Variants in MYO18B observed in about 807,000 individuals in gnomAD.
The protein encoded by MYO18B is unconventional myosin-XVIIIb.
MYO18B carries 204 observed loss-of-function variants against 273.0 expected under a neutral mutation model. That is an observed-to-expected ratio of 0.75 (90% CI 0.67 to 0.84). The LOEUF is 0.84. MYO18B is among the 40% of genes least tolerant of loss of function. The probability of loss-of-function intolerance (pLI) is 0.00; values close to 1 mark genes in which losing one functional copy is unlikely to be tolerated. For missense variants in MYO18B, 3,212 were observed against 3,287.6 expected (o/e 0.98, Z 0.56); for synonymous variants, 1,330 against 1,305.7 (o/e 1.02, Z -0.40).
intron 1 of MYO18B, among the ~76,000 whole-genome samples, chr22:25,746,099 A>C (rs766591925): frequency 6.6e-6 from 1 of 152,220 alleles, no homozygotes. Context: ...ACATCCGTTG[A>C]GATAATAAAT....
Position 25,826,510 on chromosome 22 carries a change from CT to C in MYO18B, c.2786+15del. On this transcript the variant is annotated intron_variant, in intron 14 of 43. Transcript: ENST00000335473. ...CTCACTCATCAACAGGTAACGGGGC[CT>C]TTTCCTAGGCACACAGTTGGCCTCT... The C allele has an allele frequency of 1.2e-6, 2 of 1,609,612 alleles. No homozygotes were observed.
At chr22:25,841,190 C>T (rs903089961) in intron 17 of MYO18B, among the ~76,000 whole-genome samples, 1 of 152,160 alleles carries the variant, frequency 6.6e-6, no homozygotes, top group Non-Finnish European at 1.5e-5. Flanking sequence ...CATCAACCTC[C>T]GAGTGTGACC....
chr22:25,913,292 G>A (rs185527763), intron 33 of MYO18B, among the ~76,000 whole-genome samples: 1 of 152,336 alleles, frequency 6.6e-6, no homozygotes, highest in East Asian at 1.9e-4. Context: ...TCCAGGCATC[G>A]GGTGCTAAAT....
At chr22:26,043,910 G>A in the MYO18B span, among the ~76,000 whole-genome samples, 3 of 152,226 alleles carry the variant, frequency 2.0e-5, no homozygotes, top group African/African-American at 4.8e-5. Flanking sequence ...ACATGCACAC[G>A]CCACTGCACC....
At chr22:25,993,757 A>G (rs1453171452) in intron 40 of MYO18B, among the ~76,000 whole-genome samples, 1 of 152,194 alleles carries the variant, frequency 6.6e-6, no homozygotes, top group Non-Finnish European at 1.5e-5. Flanking sequence ...GGAAGCAGAG[A>G]GGGTTACAAA....
intron 34 of MYO18B, among the ~76,000 whole-genome samples, chr22:25,938,573 G>T (rs2092607564): frequency 6.6e-6 from 1 of 152,212 alleles, no homozygotes; most frequent in South Asian, 2.1e-4. Flanking sequence ...TTGCAGGGCT[G>T]TTGTGGGCTA....
intron 33 of MYO18B, among the ~76,000 whole-genome samples, chr22:25,913,822 T>C (rs2092208201): frequency 6.6e-6 from 1 of 152,256 alleles, no homozygotes; most frequent in African/African-American, 2.4e-5. Flanking sequence ...TTTCACTTTG[T>C]TTATAATGTC....
intron 41 of MYO18B, 106 bp from the exon 42 acceptor site, chr22:26,004,612 G>A (rs1752799759): frequency 2.3e-6 from 3 of 1,322,118 alleles, no homozygotes; most frequent in Non-Finnish European, 3.1e-6. Flanking sequence ...GGTTATGCAG[G>A]TATATCACTT....
intron 21 of MYO18B, among the ~76,000 whole-genome samples, chr22:25,864,229 T>C (rs2090823311): frequency 6.6e-6 from 1 of 152,218 alleles, no homozygotes; most frequent in Non-Finnish European, 1.5e-5. Context: ...AAACTCTCAC[T>C]GTTTCTACCT....
At chr22:25,911,183 T>C in intron 33 of MYO18B, 133 bp downstream of exon 33, 1 of 699,374 alleles carries the variant, frequency 1.4e-6, no homozygotes, top group Non-Finnish European at 2.4e-6. Flanking sequence ...TCACTGGCTC[T>C]TCAAAGGAGA....
At chr22:26,035,787 G>A (rs6004903), downstream of MYO18B, among the ~76,000 whole-genome samples, 1,465 of 152,342 alleles carry the variant, frequency 9.6e-3, 25 homozygotes, top group African/African-American at 0.033. Context: ...AACAGGAGCA[G>A]CAAGAAAGAG....
intron 1 of MYO18B, among the ~76,000 whole-genome samples, chr22:25,753,553 G>A (rs908396396): frequency 6.6e-6 from 1 of 152,176 alleles, no homozygotes; most frequent in Admixed American, 6.5e-5. Context: ...GGGTGGTTGT[G>A]TTTTCGCTCT....
At chr22:25,895,068 G>A in intron 27 of MYO18B, 88 bp from the exon 28 acceptor site, 1 of 1,473,728 alleles carries the variant, frequency 6.8e-7, no homozygotes, top group Non-Finnish European at 9.2e-7. Context: ...TGCATGCCAA[G>A]AGCCAAGAAA....
chr22:25,780,275 C>T (rs1346415646), intron 9 of MYO18B, 77 bp downstream of exon 9: 12 of 1,477,982 alleles, frequency 8.1e-6, no homozygotes, highest in East Asian at 2.4e-5. Context: ...GCAGAGCCCA[C>T]GCCTCCAGCT....
At chr22:26,015,609 A>G (rs1935259392) in intron 42 of MYO18B, among the ~76,000 whole-genome samples, 1 of 152,174 alleles carries the variant, frequency 6.6e-6, no homozygotes, top group African/African-American at 2.4e-5. Flanking sequence ...ATGAAAGCAC[A>G]TGGACACATA....
At chr22:25,951,249 C>T (rs1373845556) in intron 37 of MYO18B, among the ~76,000 whole-genome samples, 1 of 152,214 alleles carries the variant, frequency 6.6e-6, no homozygotes, top group Non-Finnish European at 1.5e-5. Flanking sequence ...CAGTATTAAC[C>T]ATCACAGGGA....
chr22:26,004,681 G>C, intron 41 of MYO18B, 37 bp from the exon 42 acceptor site: 1 of 1,610,142 alleles, frequency 6.2e-7, no homozygotes, highest in Non-Finnish European at 8.5e-7. Context: ...TACTGTGATT[G>C]TCATTGTGCT....
At chr22:26,010,944 C>A (rs1934860923) in intron 42 of MYO18B, among the ~76,000 whole-genome samples, 1 of 151,684 alleles carries the variant, frequency 6.6e-6, no homozygotes, top group African/African-American at 2.4e-5. Context: ...TGACCTGGAG[C>A]CCTAAGGAGA....
chr22:25,852,451 C>T (rs1015904221), intron 21 of MYO18B, among the ~76,000 whole-genome samples: 1 of 152,162 alleles, frequency 6.6e-6, no homozygotes, highest in Non-Finnish European at 1.5e-5. Context: ...ATTGTTGTCC[C>T]TGTGTGTCTT....
Sources: allele counts gnomAD v4.1 joint callset (sites outside exome capture counted in the v4.1 genomes callset), GRCh38; gene constraint gnomAD v4.1.1; transcripts MANE v1.5; gene names NCBI Gene and HGNC (gene_info 2026-07-23, HGNC 2026-07-21).